The following HHLA1 variants were observed in gnomAD, a reference collection of about 807,000 sequenced individuals.
HHLA1 encodes the protein HERV-H LTR-associating protein 1.
HHLA1 carries 72 observed loss-of-function variants against 69.9 expected under a neutral mutation model. The ratio of observed to expected loss-of-function variants is 1.03; its 90% CI spans 0.85 to 1.25. HHLA1 has a LOEUF of 1.25. HHLA1 is among the 50% of genes most tolerant of loss of function. HHLA1 has a pLI of 0.00. For missense variants in HHLA1, 685 were observed against 642.2 expected (o/e 1.07, Z -0.72); for synonymous variants, 252 against 233.2 (o/e 1.08, Z -0.73).
Position 132,063,949 on chromosome 8 carries a change from G to C in HHLA1, c.*46C>G. ...TGGGACAAGAGCCAGGGTGGATGGC[G>C]TATCCCCTGAAGTAATTGTTATGCC... On this transcript the variant is annotated 3_prime_UTR_variant, in exon 17 of 17. Transcript: ENST00000414222. 8.9e-7 allele frequency: 1 copy of C among 1,124,198 alleles called. No homozygotes were observed. The highest frequency in any genetic ancestry group is 1.2e-6 in the Non-Finnish European group (1 of 836,784). The allele number at this position is 1,124,198 out of a possible 1,614,324, so 69.6% of individuals were successfully genotyped here.
intron 7 of HHLA1, 149 bp from the exon 8 acceptor site, chr8:132,089,748 C>G: frequency 3.3e-6 from 2 of 613,198 alleles, no homozygotes; most frequent in Non-Finnish European, 2.9e-6. Flanking sequence ...AGAAATACTA[C>G]TAATTCTAAA....
chr8:132,072,893 A>T (rs960319562), intron 14 of HHLA1, among the ~76,000 whole-genome samples: 3 of 151,474 alleles, frequency 2.0e-5, no homozygotes, highest in Non-Finnish European at 4.4e-5. Flanking sequence ...GGTGCAATTG[A>T]TTTTTGTCCA....
At chr8:132,102,686 C>T (rs56727818) in intron 3 of HHLA1, among the ~76,000 whole-genome samples, 1,683 of 151,786 alleles carry the variant, frequency 0.011, 34 homozygotes, top group African/African-American at 0.039. Flanking sequence ...TATGTCAGTT[C>T]GGGGTCTCCA....
At chr8:132,087,334 A>G (rs1823879576) in intron 10 of HHLA1, among the ~76,000 whole-genome samples, 1 of 152,126 alleles carries the variant, frequency 6.6e-6, no homozygotes. Context: ...AGTAGTTAAT[A>G]TGAGAAAAAA....
At chr8:132,092,496 A>G (rs1823962281) in intron 7 of HHLA1, among the ~76,000 whole-genome samples, 1 of 152,104 alleles carries the variant, frequency 6.6e-6, no homozygotes, top group South Asian at 2.1e-4. Flanking sequence ...CTTCTCATGA[A>G]TGGGTTAGCA....
At chr8:132,081,633 G>A (rs985988293) in intron 10 of HHLA1, among the ~76,000 whole-genome samples, 1 of 152,108 alleles carries the variant, frequency 6.6e-6, no homozygotes, top group Non-Finnish European at 1.5e-5. Context: ...AAATGACTGC[G>A]GTGGCCTTCT....
chr8:132,068,761 G>A (rs1222353460), intron 15 of HHLA1, among the ~76,000 whole-genome samples: 1 of 152,160 alleles, frequency 6.6e-6, no homozygotes, highest in Non-Finnish European at 1.5e-5. Flanking sequence ...ACTTCACTGG[G>A]GCCTGAGGTA....
intron 1 of HHLA1, among the ~76,000 whole-genome samples, chr8:132,105,531 A>G (rs2130901941): frequency 6.6e-6 from 1 of 152,250 alleles, no homozygotes; most frequent in Admixed American, 6.5e-5. Context: ...CCACATAGTC[A>G]CTCAGGGACC....
intron 1 of HHLA1, among the ~76,000 whole-genome samples, chr8:132,110,710 A>G (rs1393072584): frequency 6.6e-6 from 1 of 152,230 alleles, no homozygotes; most frequent in African/African-American, 2.4e-5. Context: ...GTAAGGAAAT[A>G]TAACTTTTTA....
chr8:132,068,280 T>C (rs1472600203), intron 15 of HHLA1, among the ~76,000 whole-genome samples: 16 of 152,204 alleles, frequency 1.1e-4, no homozygotes, highest in Admixed American at 1.0e-3. Flanking sequence ...ACTTTGAAAG[T>C]GTACACCGCT....
chr8:132,096,388 A>G (rs1824027040), intron 5 of HHLA1, among the ~76,000 whole-genome samples: 1 of 152,168 alleles, frequency 6.6e-6, no homozygotes, highest in Non-Finnish European at 1.5e-5. Context: ...TCTTTAACTC[A>G]ATCAATCTGT....
chr8:132,101,692 G>A (rs1428687280), intron 3 of HHLA1, among the ~76,000 whole-genome samples: 1 of 151,528 alleles, frequency 6.6e-6, no homozygotes, highest in Non-Finnish European at 1.5e-5. Context: ...TCCTGCCTCA[G>A]CCTCCTGAGT....
At chr8:132,099,480 G>A (rs73710825) in intron 4 of HHLA1, among the ~76,000 whole-genome samples, 1 of 152,210 alleles carries the variant, frequency 6.6e-6, no homozygotes, top group Non-Finnish European at 1.5e-5. Flanking sequence ...AATGGAGGGA[G>A]AAATCTCCCA....
At chr8:132,083,374 T>C (rs1563744354) in intron 10 of HHLA1, among the ~76,000 whole-genome samples, 1 of 151,890 alleles carries the variant, frequency 6.6e-6, no homozygotes. Context: ...AAGAAGGTAA[T>C]GTGGAGTGGG....
rs1242576377 is a variant in HHLA1, at chr8:132,087,838, G to T, written c.589+7C>A. The T allele has an allele frequency of 1.2e-5, 19 of 1,550,416 alleles. No individual in the cohort carries two copies. The highest frequency in any genetic ancestry group is 2.7e-5 in the African/African-American group (2 of 73,014). ...GAGAGCTTGTCAAAGAATGTCTAGT[G>T]GTTTACCTGACTTTCCTGTCATCAC... On this transcript the variant is annotated splice_region_variant and intron_variant, in intron 9 of 16. Coordinates refer to ENST00000414222, the MANE Select transcript of HHLA1 (RefSeq NM_001145095.3).
chr8:132,078,696 C>T (rs548627274), intron 11 of HHLA1, among the ~76,000 whole-genome samples: 12 of 152,122 alleles, frequency 7.9e-5, no homozygotes, highest in Non-Finnish European at 1.8e-4. Flanking sequence ...GTTTACTTGC[C>T]TGGGCTCTCT....
At chr8:132,096,202 C>T (rs1165650656) in intron 5 of HHLA1, among the ~76,000 whole-genome samples, 1 of 152,172 alleles carries the variant, frequency 6.6e-6, no homozygotes, top group Non-Finnish European at 1.5e-5. Flanking sequence ...CTGTTCTTGC[C>T]TCTCTCAGCT....
At chr8:132,071,957 C>T (rs2130877688) in intron 14 of HHLA1, among the ~76,000 whole-genome samples, 1 of 151,850 alleles carries the variant, frequency 6.6e-6, no homozygotes, top group Non-Finnish European at 1.5e-5. Flanking sequence ...TATGTGCATG[C>T]ATGTGAGAGC....
intron 4 of HHLA1, among the ~76,000 whole-genome samples, chr8:132,099,581 C>T (rs1048449491): frequency 6.6e-6 from 1 of 152,198 alleles, no homozygotes; most frequent in African/African-American, 2.4e-5. Flanking sequence ...TGGCCAGGAG[C>T]AGTGGCTCAC....
Sources: allele counts gnomAD v4.1 joint callset (sites outside exome capture counted in the v4.1 genomes callset), GRCh38; gene constraint gnomAD v4.1.1; transcripts MANE v1.5; gene names NCBI Gene and HGNC (gene_info 2026-07-23, HGNC 2026-07-21).